The following DGKB variants were observed in gnomAD, a reference collection of about 807,000 sequenced individuals.
DGKB encodes 90 kDa diacylglycerol kinase.
Under a neutral mutation model 114.3 loss-of-function variants are expected in DGKB, and 67 were observed. The observed-to-expected ratio is 0.59, with a 90% CI of 0.48 to 0.72. The LOEUF (loss-of-function observed/expected upper bound fraction) is 0.72. Among genes scored for constraint, DGKB ranks in the 30% least tolerant of loss-of-function variants. DGKB has a pLI of 0.00. For synonymous variants in DGKB, 398 were observed against 323.1 expected, an observed-to-expected ratio of 1.23 and a Z score of -2.49; for missense variants, 907 against 975.2, an observed-to-expected ratio of 0.93 and a Z score of 0.93.
intron 20 of DGKB, among the ~76,000 whole-genome samples, chr7:14,519,749 TG>T (rs1442427972): frequency 6.6e-6 from 1 of 151,994 alleles, no homozygotes; most frequent in Admixed American, 6.6e-5. Flanking sequence ...GCCTTCTCAG[TG>T]GGCATGTAGT....
intron 23 of DGKB, among the ~76,000 whole-genome samples, chr7:14,189,263 A>T (rs1783950910): frequency 6.6e-6 from 1 of 152,232 alleles, no homozygotes; most frequent in Admixed American, 6.5e-5. Flanking sequence ...TTAAGTGAAC[A>T]AAAGTATAAA....
At chr7:14,452,132 C>G (rs1175498122) in intron 21 of DGKB, among the ~76,000 whole-genome samples, 1 of 151,962 alleles carries the variant, frequency 6.6e-6, no homozygotes, top group Non-Finnish European at 1.5e-5. Context: ...GCAATATTTC[C>G]TGCCCAATAG....
intron 3 of DGKB, among the ~76,000 whole-genome samples, chr7:14,756,613 G>A (rs926897102): frequency 2.0e-5 from 3 of 151,792 alleles, no homozygotes; most frequent in Admixed American, 1.3e-4. Context: ...AGCTAACTAC[G>A]AGAAATACTG....
chr7:14,262,890 C>T (rs541679302), intron 23 of DGKB, among the ~76,000 whole-genome samples: 172 of 152,152 alleles, frequency 1.1e-3, no homozygotes, highest in Non-Finnish European at 1.6e-3. Flanking sequence ...AATCAGAAGA[C>T]GTTTTATTAA....
rs116646759 is a variant in DGKB, at chr7:14,697,539, C to T, written c.591+556G>A. 6.8e-3 allele frequency among the ~76,000 whole-genome samples: 1,036 copies of T among 151,884 alleles called. 10 individuals carry two copies. The highest frequency in any genetic ancestry group is 0.023 in the African/African-American group (960 of 41,420). On this transcript the variant is annotated intron_variant, in intron 8 of 25. Transcript: ENST00000402815. Reference sequence around the variant, plus strand: ...AAGTTACTGTTAACAGCTTCAGAACCCCACATATACCTTGTTATCTTATTC... The same window carrying T: ...AAGTTACTGTTAACAGCTTCAGAACTCCACATATACCTTGTTATCTTATTC...
chr7:14,355,914 T>C (rs1272668501), intron 21 of DGKB, among the ~76,000 whole-genome samples: 1 of 152,166 alleles, frequency 6.6e-6, no homozygotes, highest in Non-Finnish European at 1.5e-5. Flanking sequence ...TCCTGGACTT[T>C]TTTTGGTTGG....
chr7:14,629,193 C>A (rs1274052654), intron 14 of DGKB, among the ~76,000 whole-genome samples: 2 of 151,970 alleles, frequency 1.3e-5, no homozygotes, highest in African/African-American at 4.8e-5. Flanking sequence ...TGTCCTAATA[C>A]TTTTGTCACT....
intron 23 of DGKB, among the ~76,000 whole-genome samples, chr7:14,196,240 C>T (rs1488341286): frequency 1.3e-5 from 2 of 152,112 alleles, no homozygotes; most frequent in East Asian, 1.9e-4. Context: ...GCACTAAACA[C>T]ACTTTCCTCA....
chr7:14,326,486 T>C (rs1178769441), intron 23 of DGKB, among the ~76,000 whole-genome samples: 3 of 152,142 alleles, frequency 2.0e-5, no homozygotes, highest in East Asian at 3.9e-4. Context: ...GTTCAACTAC[T>C]GTGGCAGGAA....
intron 22 of DGKB, among the ~76,000 whole-genome samples, chr7:14,343,753 T>C (rs1270515519): frequency 1.3e-5 from 2 of 150,944 alleles, no homozygotes; most frequent in Non-Finnish European, 3.0e-5. Flanking sequence ...CAAAATCTAG[T>C]ATATAAAGCA....
chr7:14,217,715 T>G (rs759984753), intron 23 of DGKB, among the ~76,000 whole-genome samples: 1 of 152,098 alleles, frequency 6.6e-6, no homozygotes, highest in Non-Finnish European at 1.5e-5. Context: ...TATGAATATT[T>G]TCCACATGGA....
chr7:14,304,085 ACACTCT>A (rs1203578406), intron 23 of DGKB, among the ~76,000 whole-genome samples: 40 of 28,544 alleles, frequency 1.4e-3, no homozygotes, highest in African/African-American at 7.7e-3. Context: ...ACACACACAC[ACACTCT>A]CTCTCTCTCA....
chr7:14,897,168 T>C (rs1468493572), intron 1 of DGKB, among the ~76,000 whole-genome samples: 1 of 151,904 alleles, frequency 6.6e-6, no homozygotes, highest in Non-Finnish European at 1.5e-5. Context: ...TTAAAAAAAA[T>C]TGTATTTGGA....
At chr7:14,734,105 G>C (rs1454494452) in intron 5 of DGKB, among the ~76,000 whole-genome samples, 3 of 151,870 alleles carry the variant, frequency 2.0e-5, no homozygotes, top group Non-Finnish European at 4.4e-5. Context: ...TGCGATCTCG[G>C]CTTACTGCAA....
intron 2 of DGKB, among the ~76,000 whole-genome samples, chr7:14,834,319 C>T (rs1010110692): frequency 6.6e-6 from 1 of 152,010 alleles, no homozygotes; most frequent in Non-Finnish European, 1.5e-5. Flanking sequence ...TGGCTAATGT[C>T]CCAAGGTAAA....
chr7:14,448,321 C>T (rs1831006864), intron 21 of DGKB, among the ~76,000 whole-genome samples: 1 of 152,004 alleles, frequency 6.6e-6, no homozygotes, highest in Admixed American at 6.6e-5. Context: ...TGTGGTTGAT[C>T]TCATGTGTAA....
intron 1 of DGKB, among the ~76,000 whole-genome samples, chr7:14,942,116 A>T (rs1785599010): frequency 6.6e-6 from 1 of 151,286 alleles, no homozygotes; most frequent in Non-Finnish European, 1.5e-5. Flanking sequence ...GATTAAAAAA[A>T]CTTTTTTTTT....
Position 14,613,866 on chromosome 7 carries a change from T to C in DGKB, c.1285-453A>G, listed in dbSNP as rs561877842. Among the ~76,000 whole-genome samples the C allele has an allele frequency of 5.3e-5, 8 of 152,238 alleles. No homozygotes were observed. In the East Asian group the frequency reaches 1.5e-3, roughly 29 times the overall value. ...AGTTTCGAGGCATGTGTGGAATCCA[T>C]CTTCCCAACCACCTGTGAACTGGAA... On this transcript the variant is annotated intron_variant, in intron 15 of 25. Transcript: ENST00000402815.
chr7:14,273,026 A>G (rs1156661241), intron 23 of DGKB, among the ~76,000 whole-genome samples: 3 of 152,304 alleles, frequency 2.0e-5, no homozygotes, highest in Admixed American at 6.5e-5. Flanking sequence ...TGTTTGTTAC[A>G]CTATTAGTTC....
Sources: gnomAD v4.1 joint callset for allele counts (sites outside exome capture counted in the v4.1 genomes callset) on GRCh38, gnomAD v4.1.1 for gene constraint, MANE v1.5 for transcripts, NCBI Gene and HGNC (gene_info 2026-07-23, HGNC 2026-07-21) for gene names.